Variants in HAUS7 observed in about 807,000 individuals in gnomAD.
The protein encoded by HAUS7 is HAUS augmin-like complex subunit 7.
Under a neutral mutation model 28.4 loss-of-function variants are expected in HAUS7, and 3 were observed. The observed-to-expected ratio is 0.11, with a 90% CI of 0.05 to 0.27. HAUS7 has a LOEUF of 0.27. Among genes scored for constraint, HAUS7 ranks in the 10% least tolerant of loss-of-function variants. The probability of loss-of-function intolerance (pLI) is 1.00; values close to 1 mark genes in which losing one functional copy is unlikely to be tolerated. For synonymous variants in HAUS7, 165 were observed against 132.1 expected (o/e 1.25, Z -1.71); for missense variants, 284 against 297.3 (o/e 0.96, Z 0.33).
intron 1 of HAUS7, chrX:153,485,733 G>A (rs782365086): frequency 3.1e-5 from 25 of 803,729 alleles, no homozygotes; most frequent in African/African-American, 2.9e-4. Context: ...GTTGCCAACC[G>A]TCAGCTCCCT....
chrX:153,472,191 C>T (rs940219643), upstream of HAUS7, among the ~76,000 whole-genome samples: 137 of 111,600 alleles, frequency 1.2e-3, no homozygotes, highest in Non-Finnish European at 1.7e-3. Context: ...AGAAAATCTC[C>T]CTCCTCCACC....
chrX:153,486,787 C>T (rs782057088), intron 1 of HAUS7: 4 of 981,151 alleles, frequency 4.1e-6, no homozygotes, highest in East Asian at 7.6e-5. Flanking sequence ...CCAGCCCCAG[C>T]GGCGGGGGGA....
intron 2 of HAUS7, among the ~76,000 whole-genome samples, chrX:153,467,654 T>C (rs1244887054): frequency 8.9e-6 from 1 of 112,559 alleles, no homozygotes; most frequent in Admixed American, 9.3e-5. Context: ...CCCCAGGACT[T>C]GTACCCACTA....
At chrX:153,455,513 G>T in intron 8 of HAUS7, 29 bp downstream of exon 8, 1 of 981,222 alleles carries the variant, frequency 1.0e-6, no homozygotes, top group Non-Finnish European at 1.5e-6. Flanking sequence ...GGAGGGGGCG[G>T]TTAGAGGGGA....
chrX:153,469,822 G>T (rs781837567), intron 1 of HAUS7, among the ~76,000 whole-genome samples: 1 of 111,422 alleles, frequency 9.0e-6, no homozygotes, highest in East Asian at 2.8e-4. Flanking sequence ...ACTTAAGAGA[G>T]AGTCCTAGGT....
At chrX:153,454,024 G>T (rs2089270432) in intron 9 of HAUS7, among the ~76,000 whole-genome samples, 3 of 110,742 alleles carry the variant, frequency 2.7e-5, no homozygotes, top group African/African-American at 9.9e-5. Context: ...TTGCCATGTT[G>T]CCCAGGCTGA....
At chrX:153,449,641 G>C (rs2089212747) in intron 9 of HAUS7, among the ~76,000 whole-genome samples, 3 of 112,610 alleles carry the variant, frequency 2.7e-5, no homozygotes, top group Non-Finnish European at 3.8e-5. Flanking sequence ...GAGGCCACAG[G>C]CTGTCTCTCT....
intron 2 of HAUS7, 123 bp from the exon 3 acceptor site, chrX:153,465,178 T>C (rs1267220393): frequency 1.8e-5 from 8 of 448,276 alleles, no homozygotes; most frequent in African/African-American, 1.7e-4. Flanking sequence ...CGGCTCACTT[T>C]AAAGTGGTTA....
chrX:153,470,425 G>A (rs782219871), intron 1 of HAUS7, 25 bp downstream of exon 1: 2 of 1,203,474 alleles, frequency 1.7e-6, no homozygotes, highest in Middle Eastern at 2.4e-4. Flanking sequence ...CCCCGCCCTG[G>A]AGTGGCTTTC....
At chrX:153,477,425 C>T (rs1408093167) in intron 1 of HAUS7, among the ~76,000 whole-genome samples, 1 of 113,579 alleles carries the variant, frequency 8.8e-6, no homozygotes, top group East Asian at 2.8e-4. Context: ...CAGGGACCTA[C>T]CCCGTTTCTC....
intron 1 of HAUS7, among the ~76,000 whole-genome samples, chrX:153,492,420 C>T (rs1472728334): frequency 9.0e-6 from 1 of 111,030 alleles, no homozygotes; most frequent in African/African-American, 3.3e-5. Flanking sequence ...ACTCAGTGGG[C>T]CCTAGCCAGG....
intron 3 of HAUS7, 45 bp from the exon 4 acceptor site, chrX:153,462,716 C>T (rs1556983638): frequency 2.1e-6 from 2 of 951,376 alleles, no homozygotes; most frequent in South Asian, 2.0e-5. Flanking sequence ...CCTGCCCAGA[C>T]AGCAGGGGAC....
chrX:153,492,614 G>A (rs186292077), intron 1 of HAUS7, among the ~76,000 whole-genome samples: 1,884 of 111,521 alleles, frequency 0.017, 29 homozygotes, highest in Non-Finnish European at 0.024. Context: ...CCCAAGCAGG[G>A]TGTCGCCTCA....
intron 2 of HAUS7, 89 bp from the exon 3 acceptor site, chrX:153,465,144 G>A (rs1009207216): frequency 8.4e-6 from 5 of 598,377 alleles, no homozygotes; most frequent in South Asian, 5.1e-5. Flanking sequence ...GTGAATTCCT[G>A]TGCACGTGCT....
chrX:153,455,723 T>C lies in HAUS7; in HGVS notation c.749A>G (p.Asp250Gly). 2 of 1,203,232 alleles carry C rather than the reference T, an allele frequency of 1.7e-6. No homozygotes were observed. Among genetic ancestry groups the C allele is most frequent in the Non-Finnish European group, 2.3e-6 (2 of 888,047 alleles). The stretch of plus-strand genomic sequence containing the variant: ...CAGCTTCTGGTCTAGGGTGCTGATG[T>C]CGGCTGCGCCCGCAGCAGCCCCTTG... ...HEQGAAAGAADISTLDQKLRL... is the reference protein window; with the variant it reads ...HEQGAAAGAAGISTLDQKLRL... Residue 250 changes from aspartate (D) to glycine (G), a missense_variant, in exon 8 of 10, where the codon GAC becomes GGC. Coordinates refer to ENST00000370211, the MANE Select transcript of HAUS7 (RefSeq NM_001385482.1).
rs376373625 is a variant in HAUS7, at chrX:153,456,190, C to G, written c.705+75G>C. The G allele has an allele frequency of 5.7e-4, 456 of 800,447 alleles. 1 individual carries two copies. In the African/African-American group the frequency reaches 8.4e-3, roughly 15 times the overall value. The allele number at this position is 800,447 out of a possible 1,213,427, so 66.0% of individuals were successfully genotyped here. A position where few individuals can be genotyped will look rare whatever the true frequency, so the allele number is the denominator to read the frequency against. ...CGGTGCACAGGCAACCTCGCCTAAG[C>G]CTCACGTGCTGAGGGAGGTGACAAA... is the stretch of plus-strand genomic sequence containing the variant. On this transcript the variant is annotated intron_variant, in intron 7 of 9. Transcript: ENST00000370211.
upstream of HAUS7, chrX:153,470,625 C>T: frequency 8.5e-7 from 1 of 1,170,457 alleles, no homozygotes; most frequent in Non-Finnish European, 1.1e-6. Context: ...GCCAATCAAC[C>T]TCCAGCGTTC....
intron 9 of HAUS7, among the ~76,000 whole-genome samples, chrX:153,453,567 A>G (rs782096165): frequency 7.7e-4 from 82 of 107,187 alleles, no homozygotes; most frequent in African/African-American, 2.7e-3. Flanking sequence ...AGGGATAGCA[A>G]AAAAAAAAAG....
At chrX:153,474,257 G>A (rs1391637586), upstream of HAUS7, among the ~76,000 whole-genome samples, 2 of 112,378 alleles carry the variant, frequency 1.8e-5, no homozygotes, top group Non-Finnish European at 3.8e-5. Flanking sequence ...GTCACTTCTA[G>A]TCCCTATGCT....
Sources: allele counts gnomAD v4.1 joint callset (sites outside exome capture counted in the v4.1 genomes callset), GRCh38; gene constraint gnomAD v4.1.1; transcripts MANE v1.5; gene names NCBI Gene and HGNC (gene_info 2026-07-23, HGNC 2026-07-21).